Variants in DLG2 observed in about 807,000 individuals in gnomAD.
DLG2 encodes discs large MAGUK scaffold protein 2, also known as disks large homolog 2.
A neutral mutation model predicts 132.5 loss-of-function variants in DLG2; 45 were observed. That is an observed-to-expected ratio of 0.34 (90% confidence interval 0.27 to 0.44). The LOEUF (loss-of-function observed/expected upper bound fraction) is 0.44. Ranked by LOEUF, DLG2 falls within the 20% of genes least tolerant of loss-of-function variation. DLG2 has a pLI of 1.00. For synonymous variants in DLG2, 424 were observed against 419.6 expected, an observed-to-expected ratio of 1.01 and a Z score of -0.13; for missense variants, 1,045 against 1,196.9, an observed-to-expected ratio of 0.87 and a Z score of 1.87.
chr11:85,541,580 T>C (rs1427036491), intron 3 of DLG2, among the ~76,000 whole-genome samples: 1 of 151,930 alleles, frequency 6.6e-6, no homozygotes, highest in East Asian at 1.9e-4. Context: ...CCAAACCCTT[T>C]GAGATGGCTT....
intron 11 of DLG2, among the ~76,000 whole-genome samples, chr11:84,027,552 T>C (rs1162224026): frequency 6.6e-6 from 1 of 152,080 alleles, no homozygotes; most frequent in Admixed American, 6.6e-5. Context: ...GACAATTAAA[T>C]GAATAATGGA....
intron 11 of DLG2, among the ~76,000 whole-genome samples, chr11:84,056,667 G>A (rs941238895): frequency 6.6e-6 from 1 of 152,158 alleles, no homozygotes; most frequent in African/African-American, 2.4e-5. Flanking sequence ...TTAAGACCAC[G>A]AGGTATCATC....
At chr11:85,525,375 TTCATTA>T (rs1380344011) in intron 3 of DLG2, among the ~76,000 whole-genome samples, 1 of 152,214 alleles carries the variant, frequency 6.6e-6, no homozygotes, top group African/African-American at 2.4e-5. Context: ...AACTAAGGTT[TTCATTA>T]TCATTATCTA....
intron 6 of DLG2, among the ~76,000 whole-genome samples, chr11:84,733,728 A>T (rs1260020549): frequency 6.6e-6 from 1 of 152,090 alleles, no homozygotes; most frequent in African/African-American, 2.4e-5. Context: ...TATGTCCTGA[A>T]TGGTAATGCC....
chr11:84,983,370 G>T (rs553275220), intron 6 of DLG2, among the ~76,000 whole-genome samples: 12 of 152,226 alleles, frequency 7.9e-5, no homozygotes, highest in African/African-American at 2.9e-4. Context: ...TTGCTGGGTG[G>T]CTAGATCCAG....
intron 8 of DLG2, among the ~76,000 whole-genome samples, chr11:84,163,774 T>C (rs1209848944): frequency 6.6e-6 from 1 of 151,922 alleles, no homozygotes; most frequent in Non-Finnish European, 1.5e-5. Flanking sequence ...TGAGGTATAA[T>C]AACACAAAAT....
chr11:84,076,540 C>T (rs4944464), intron 10 of DLG2, among the ~76,000 whole-genome samples: 131,953 of 152,168 alleles, frequency 0.87, 57,503 homozygotes, highest in Middle Eastern at 0.94. Context: ...ATAACAGAAA[C>T]AAAAATTAGT....
At chr11:83,847,343 T>C (rs930221180) in intron 16 of DLG2, among the ~76,000 whole-genome samples, 2 of 152,188 alleles carry the variant, frequency 1.3e-5, no homozygotes, top group African/African-American at 4.8e-5. Flanking sequence ...GAAGGCAAAG[T>C]ACACTTTATG....
chr11:84,188,035 C>A (rs2096317512), intron 8 of DLG2, among the ~76,000 whole-genome samples: 2 of 152,062 alleles, frequency 1.3e-5, no homozygotes, highest in Admixed American at 1.3e-4. Flanking sequence ...TGCTGGTTTC[C>A]AGTCAACATT....
At chr11:85,148,166 G>A (rs2076986123) in intron 5 of DLG2, among the ~76,000 whole-genome samples, 1 of 152,082 alleles carries the variant, frequency 6.6e-6, no homozygotes, top group Non-Finnish European at 1.5e-5. Context: ...ATGGGCATTT[G>A]GGTTGGTTCT....
At chr11:84,519,013 G>C (rs2099283920) in intron 7 of DLG2, among the ~76,000 whole-genome samples, 1 of 152,102 alleles carries the variant, frequency 6.6e-6, no homozygotes, top group Non-Finnish European at 1.5e-5. Context: ...TAAGCTAATT[G>C]AGTTGGAGAC....
At chr11:85,379,058 A>T (rs753575185) in intron 3 of DLG2, among the ~76,000 whole-genome samples, 9 of 152,212 alleles carry the variant, frequency 5.9e-5, no homozygotes, top group Non-Finnish European at 1.2e-4. Flanking sequence ...AATATTTGTG[A>T]GCAAATCATT....
chr11:84,883,800 T>C (rs1445061781), intron 6 of DLG2, among the ~76,000 whole-genome samples: 5 of 152,240 alleles, frequency 3.3e-5, no homozygotes, highest in Non-Finnish European at 4.4e-5. Context: ...CTCAGCAGCA[T>C]GTAAGAAGCA....
At chr11:85,385,471 G>A (rs749206395) in intron 3 of DLG2, among the ~76,000 whole-genome samples, 5 of 152,110 alleles carry the variant, frequency 3.3e-5, no homozygotes, top group Non-Finnish European at 5.9e-5. Flanking sequence ...ACTAGAATCA[G>A]AAGGAAAAAC....
In DLG2 at chr11:84,547,434, C is replaced by T. The variant is rs537625752; in HGVS notation, c.358-12703G>A. Among the ~76,000 whole-genome samples, 18 of 152,210 alleles carry T rather than the reference C, an allele frequency of 1.2e-4. No homozygotes were observed. In the East Asian group the frequency reaches 3.3e-3, roughly 28 times the overall value. On this transcript the variant is annotated intron_variant, in intron 6 of 27. Transcript: ENST00000376104. ...TAAATGCTTGAAAACCTTCTCTTTG[C>T]ACTTTTGTATGCAAAAAGAATTTAC...
chr11:85,019,845 A>G (rs1293767946), intron 6 of DLG2, among the ~76,000 whole-genome samples: 1 of 152,132 alleles, frequency 6.6e-6, no homozygotes, highest in African/African-American at 2.4e-5. Flanking sequence ...TATGTGCCAC[A>G]TTGTCTTAAT....
At chr11:85,494,480 C>T (rs1296386845) in intron 3 of DLG2, among the ~76,000 whole-genome samples, 1 of 151,702 alleles carries the variant, frequency 6.6e-6, no homozygotes, top group Non-Finnish European at 1.5e-5. Context: ...GATAAAAAAG[C>T]ATACACAAAC....
chr11:85,447,750 GA>G (rs546377304), intron 3 of DLG2, among the ~76,000 whole-genome samples: 2 of 150,558 alleles, frequency 1.3e-5, no homozygotes, highest in East Asian at 1.9e-4. Flanking sequence ...TAAAATTTCT[GA>G]AAAAAAAATT....
intron 7 of DLG2, chr11:84,273,322 A>C (rs930684291): frequency 7.1e-6 from 10 of 1,402,964 alleles, no homozygotes; most frequent in Middle Eastern, 3.8e-4. Context: ...AAAAAAAAAA[A>C]AAAAAAACCC....
Sources: gnomAD v4.1 joint callset for allele counts (sites outside exome capture counted in the v4.1 genomes callset) on GRCh38, gnomAD v4.1.1 for gene constraint, MANE v1.5 for transcripts, NCBI Gene and HGNC (gene_info 2026-07-23, HGNC 2026-07-21) for gene names.